DNAH9: variants seen among roughly 807,000 people sequenced by gnomAD.
DNAH9 encodes the protein dynein axonemal heavy chain 9.
Under a neutral mutation model 471.6 loss-of-function variants are expected in DNAH9, and 345 were observed. That is an observed-to-expected ratio of 0.73 (90% CI 0.67 to 0.80). The LOEUF (loss-of-function observed/expected upper bound fraction) is 0.80, where lower values mean the gene tolerates loss of function less well. Ranked by LOEUF, DNAH9 falls within the 30% of genes least tolerant of loss-of-function variation. The pLI is 0.00. For synonymous variants in DNAH9, 2,093 were observed against 2,123.6 expected (o/e 0.99, Z 0.40); for missense variants, 5,407 against 5,609.2 (o/e 0.96, Z 1.15).
Position 11,619,765 on chromosome 17 carries a change from A to G in DNAH9, c.1334A>G (p.Gln445Arg), listed in dbSNP as rs9892256. 1,608,336 of 1,610,650 alleles carry G rather than the reference A, an allele frequency of 1. 803,040 individuals are homozygous for G. The highest frequency in any genetic ancestry group is 1 in the East Asian group (44,849 of 44,850). ...GTGCGATTGGATGGCTTCCTGGGACAACTGCACGTGGTGGAGGTGAGTGCG... is the reference window on the plus strand; with the variant it reads ...GTGCGATTGGATGGCTTCCTGGGACGACTGCACGTGGTGGAGGTGAGTGCG... ...VFVRLDGFLGQLHVVEGLLKT... is the reference protein window; with the variant it reads ...VFVRLDGFLGRLHVVEGLLKT... The change falls in exon 6 of 69, where the codon CAA (glutamine) becomes CGA (arginine). Residue 445 changes from glutamine to arginine, a missense_variant. Around this residue, in one of 3 missense-constraint regions of DNAH9, gnomAD observed 767 missense variants for 692.5 expected, o/e 1.11. Coordinates refer to ENST00000262442, the MANE Select transcript of DNAH9 (RefSeq NM_001372.4).
chr17:11,864,807 G>C (rs909044005), intron 50 of DNAH9, among the ~76,000 whole-genome samples: 10 of 151,072 alleles, frequency 6.6e-5, no homozygotes, highest in African/African-American at 2.4e-4. Context: ...GATCTTTGTT[G>C]GTTTAAAGTC....
At chr17:11,766,478 C>A (rs554106088) in intron 36 of DNAH9, among the ~76,000 whole-genome samples, 1 of 152,246 alleles carries the variant, frequency 6.6e-6, no homozygotes, top group South Asian at 2.1e-4. Context: ...TTTTAAGTAA[C>A]CAGGATAACC....
intron 61 of DNAH9, among the ~76,000 whole-genome samples, chr17:11,906,929 G>A (rs576068646): frequency 2.6e-5 from 4 of 152,280 alleles, no homozygotes; most frequent in African/African-American, 7.2e-5. Context: ...TAATACCGAG[G>A]TGATGGGATG....
intron 41 of DNAH9, among the ~76,000 whole-genome samples, chr17:11,787,472 G>C (rs1311419245): frequency 6.6e-6 from 1 of 152,202 alleles, no homozygotes; most frequent in Admixed American, 6.5e-5. Flanking sequence ...CCTTGAGTCT[G>C]ACCAAAGGCC....
At position 11,962,949 on chromosome 17, in the gene DNAH9, A is replaced by T. The variant is rs55684399; in HGVS notation, c.13233+693A>T. Among the ~76,000 whole-genome samples, 26,499 of 152,202 alleles carry T rather than the reference A, an allele frequency of 0.17. 2,418 individuals are homozygous for T. Among genetic ancestry groups the T allele is most frequent in the Admixed American group, 0.21 (3,217 of 15,296 alleles). On this transcript the variant is annotated intron_variant, in intron 68 of 68. Coordinates refer to ENST00000262442, the MANE Select transcript of DNAH9 (RefSeq NM_001372.4). The surrounding 1 kb of genome is among the most constrained non-coding windows in gnomAD (Gnocchi z 4.1). Reference sequence around the variant, plus strand: ...AAAAACGTGAGTCACATGAGATTGGAGAAGATGTTTTGTCACCAATAAGAA... The same window carrying T: ...AAAAACGTGAGTCACATGAGATTGGTGAAGATGTTTTGTCACCAATAAGAA...
chr17:11,602,351 A>G (rs1426233820), intron 1 of DNAH9, among the ~76,000 whole-genome samples: 1 of 152,154 alleles, frequency 6.6e-6, no homozygotes, highest in Non-Finnish European at 1.5e-5. Context: ...TCTTCATCCT[A>G]TTTAAAATCC....
chr17:11,883,111 C>G (rs1972781271), intron 55 of DNAH9: 4 of 988,744 alleles, frequency 4.0e-6, no homozygotes, highest in Non-Finnish European at 4.8e-6. Context: ...AGCTTTTACA[C>G]AGTCTGCCAT....
intron 67 of DNAH9, among the ~76,000 whole-genome samples, chr17:11,954,925 T>C (rs1975562650): frequency 6.6e-6 from 1 of 152,196 alleles, no homozygotes. Context: ...AAATCTTTTT[T>C]TAAAAATAAT....
At chr17:11,643,246 T>C (rs765054307) in intron 10 of DNAH9, among the ~76,000 whole-genome samples, 1 of 152,262 alleles carries the variant, frequency 6.6e-6, no homozygotes, top group African/African-American at 2.4e-5. Context: ...CCTCCATTTG[T>C]GTGTGCACAC....
intron 45 of DNAH9, among the ~76,000 whole-genome samples, chr17:11,817,411 C>G (rs977405166): frequency 6.6e-6 from 1 of 152,122 alleles, no homozygotes; most frequent in African/African-American, 2.4e-5. Context: ...GTGCTTTCAA[C>G]GTCTTGGAAT....
intron 26 of DNAH9, among the ~76,000 whole-genome samples, chr17:11,713,193 A>T (rs2074903152): frequency 1.3e-5 from 2 of 152,156 alleles, no homozygotes; most frequent in African/African-American, 4.8e-5. Flanking sequence ...TAAGGATAAT[A>T]GACTCCAACT....
rs1973076067 is a variant in DNAH9, at chr17:11,892,217, C to T, written c.11283+270C>T. ...GATCTTCCTCAGCACAGCACTCCAG[C>T]AGCCACTACCAATCAATCAAAACTG... On this transcript the variant is annotated intron_variant, in intron 58 of 68. Coordinates refer to ENST00000262442, the MANE Select transcript of DNAH9 (RefSeq NM_001372.4). This position sits in a 1 kb window ranked among gnomAD's most constrained non-coding sequence, Gnocchi z 4.3. Among the ~76,000 whole-genome samples, 1 of 152,172 alleles carries T rather than the reference C, an allele frequency of 6.6e-6. No individual in the cohort carries two copies. Among genetic ancestry groups the T allele is most frequent in the Non-Finnish European group, 1.5e-5 (1 of 68,038 alleles).
chr17:11,927,319 T>G (rs60465040), intron 62 of DNAH9, among the ~76,000 whole-genome samples: 30,031 of 152,184 alleles, frequency 0.2, 3,064 homozygotes, highest in African/African-American at 0.23. Flanking sequence ...ATTTTTGTCA[T>G]AAAATCTTTG....
chr17:11,745,054 G>A lies in DNAH9; in HGVS notation c.6369G>A (p.Lys2123=). Residue 2123 remains lysine (K), a synonymous_variant, in exon 31 of 69, where the codon AAG becomes AAA. Coordinates refer to ENST00000262442, the MANE Select transcript of DNAH9 (RefSeq NM_001372.4). ...TTAGGAAGGCGATAGTGGATCTGAA[G>A]CTCCAGGCTGAGGACAACTTTGTGC... The part of the protein sequence containing the change: ...ALVRKAIVDL[K]LQAEDNFVLK... The A allele has an allele frequency of 1.9e-6, 3 of 1,613,786 alleles. No homozygotes were observed. Among genetic ancestry groups the A allele is most frequent in the South Asian group, 1.1e-5 (1 of 91,030 alleles).
In DNAH9 at chr17:11,812,054, T is replaced by TATATATAC. The variant is rs1282451711; in HGVS notation, c.8707+1686_8707+1687insTATATACA. 4.2e-5 allele frequency among the ~76,000 whole-genome samples: 2 copies of TATATATAC among 47,344 alleles called. 1 individual carries two copies. Among genetic ancestry groups the TATATATAC allele is most frequent in the East Asian group, 6.8e-4 (2 of 2,930 alleles). The allele number at this position is 47,344 out of a possible 152,430, so 31.1% of individuals were successfully genotyped here. ...ATATATATATATATATATATATATA[T>TATATATAC]ACACATACATACACACATACATCCA... On this transcript the variant is annotated intron_variant, in intron 45 of 68. Transcript: ENST00000262442.
intron 59 of DNAH9, among the ~76,000 whole-genome samples, chr17:11,902,002 C>T (rs772865034): frequency 2.0e-5 from 3 of 152,130 alleles, no homozygotes; most frequent in Admixed American, 6.5e-5. Flanking sequence ...TCGTGACCAG[C>T]ACAAGAAAAG....
intron 24 of DNAH9, among the ~76,000 whole-genome samples, chr17:11,701,673 GTTTTGTTT>G (rs1567731958): frequency 2.0e-5 from 3 of 149,830 alleles, no homozygotes; most frequent in Non-Finnish European, 4.5e-5. Flanking sequence ...TTGTTGTTTT[GTTTTGTTT>G]TTTGTTTGTT....
intron 1 of DNAH9, among the ~76,000 whole-genome samples, chr17:11,603,669 T>A (rs1238840021): frequency 6.6e-6 from 1 of 152,218 alleles, no homozygotes; most frequent in Admixed American, 6.5e-5. Flanking sequence ...TCCCACCAGC[T>A]GTCACCCTAT....
chr17:11,742,247 AG>A lies in DNAH9; in HGVS notation c.6046del (p.Ala2016ProfsTer4). On this transcript the variant is annotated frameshift_variant, in exon 30 of 69. Coordinates refer to ENST00000262442, the MANE Select transcript of DNAH9 (RefSeq NM_001372.4). LOFTEE classifies it high-confidence loss of function. ...IMLVAEGFIE[A>X]QSLARKFITL... ...TGCTGGTGGCAGAAGGATTCATTGA[AG>A]CCCAGTCATTAGCCAGAAAGTTCAT... 1 of 1,614,110 alleles carries A rather than the reference AG, an allele frequency of 6.2e-7. No homozygotes were observed. Among genetic ancestry groups the A allele is most frequent in the Admixed American group, 1.7e-5 (1 of 60,020 alleles).
Sources: allele counts gnomAD v4.1 joint callset (sites outside exome capture counted in the v4.1 genomes callset), GRCh38; gene constraint gnomAD v4.1.1; regional missense constraint gnomAD v4.1.1; non-coding constraint Gnocchi (gnomAD v3.1); transcripts MANE v1.5; gene names NCBI Gene and HGNC (gene_info 2026-07-23, HGNC 2026-07-21).